Variants in ASGR2 observed in about 807,000 individuals in gnomAD.
The protein encoded by ASGR2 is C-type lectin domain family 4 member H2.
ASGR2 carries 34 observed loss-of-function variants against 32.3 expected under a neutral mutation model. That is an observed-to-expected ratio of 1.05 (90% confidence interval 0.80 to 1.40). The LOEUF is 1.40. Among genes scored for constraint, ASGR2 ranks in the 40% most tolerant of loss-of-function variants. The probability of loss-of-function intolerance (pLI) is 0.00; values close to 1 mark genes in which losing one functional copy is unlikely to be tolerated. For synonymous variants in ASGR2, 143 were observed against 150.0 expected (o/e 0.95, Z 0.34); for missense variants, 385 against 386.4 (o/e 1.00, Z 0.03).
chr17:7,103,856 G>A (rs1019169634), intron 7 of ASGR2, among the ~76,000 whole-genome samples: 4 of 152,100 alleles, frequency 2.6e-5, no homozygotes, highest in African/African-American at 7.2e-5. Flanking sequence ...ATGTATACAT[G>A]TGCCATGTTG....
rs888211498 is a variant in ASGR2 at position 7,107,173 on chromosome 17, A to G, written c.497-22T>C. ...GAGCCTGAGGGGACAGGGGGCAGGG[A>G]GATGAGATCCAGCCGGAGGGGCAGG... is the stretch of plus-strand genomic sequence containing the variant. On this transcript the variant is annotated intron_variant, in intron 6 of 8. Transcript: ENST00000691900. The surrounding 1 kb of genome is among the most constrained non-coding windows in gnomAD (Gnocchi z 5.0). 1.8e-5 allele frequency: 29 copies of G among 1,614,146 alleles called. No homozygotes were observed. The highest frequency in any genetic ancestry group is 2.1e-5 in the Non-Finnish European group (25 of 1,180,010).
At chr17:7,101,961 T>C (rs1367681590) in intron 8 of ASGR2, 129 bp downstream of exon 8, 32 of 1,108,584 alleles carry the variant, frequency 2.9e-5, no homozygotes, top group African/African-American at 4.7e-5. Context: ...TTTGGAGGGG[T>C]TGGAGTCTGG....
rs574922322 is a variant in ASGR2, at chr17:7,107,732, C to T, written c.409+104G>A. 2.4e-4 allele frequency: 208 copies of T among 852,800 alleles called. No homozygotes were observed. Among genetic ancestry groups the T allele is most frequent in the Non-Finnish European group, 3.2e-4 (186 of 580,576 alleles). 52.8% of individuals were successfully genotyped at this position (852,800 alleles called of 1,614,324 possible). A position where few individuals can be genotyped will look rare whatever the true frequency, so the allele number is the denominator to read the frequency against. On this transcript the variant is annotated intron_variant, in intron 5 of 8. Coordinates refer to ENST00000691900, the MANE Select transcript of ASGR2 (RefSeq NM_001201352.2). The surrounding 1 kb of genome is among the most constrained non-coding windows in gnomAD (Gnocchi z 5.0). ...ACATGCTTGCAGGCACACACACGCACGCACGCACACGTGCACACTACACAC... is the reference window on the plus strand; with the variant it reads ...ACATGCTTGCAGGCACACACACGCATGCACGCACACGTGCACACTACACAC...
At position 7,108,424 on chromosome 17, in the gene ASGR2, G is replaced by C. The variant is rs1156467879; in HGVS notation, c.337+38C>G. On this transcript the variant is annotated intron_variant, in intron 4 of 8. Coordinates refer to ENST00000691900, the MANE Select transcript of ASGR2 (RefSeq NM_001201352.2). The surrounding 1 kb of genome is among the most constrained non-coding windows in gnomAD (Gnocchi z 4.9). The stretch of plus-strand genomic sequence containing the variant: ...ACTCGGCACTGAGCCCAGCAAACCT[G>C]TGCGGATAAATGAGAACCCAGCCGT... The C allele has an allele frequency of 1.3e-5, 20 of 1,550,490 alleles. No homozygotes were observed. The highest frequency in any genetic ancestry group is 1.7e-5 in the Non-Finnish European group (19 of 1,144,862).
In ASGR2 at chr17:7,108,721, T is replaced by C. The variant is rs770674561; in HGVS notation, c.241+51A>G. Reference sequence around the variant, plus strand: ...CCCGATCGCTGCCCGCCACTGCCCATGTCTCTTTCCCTACCCCTTGCCCAT... The same window carrying C: ...CCCGATCGCTGCCCGCCACTGCCCACGTCTCTTTCCCTACCCCTTGCCCAT... On this transcript the variant is annotated intron_variant, in intron 3 of 8. Coordinates refer to ENST00000691900, the MANE Select transcript of ASGR2 (RefSeq NM_001201352.2). The surrounding 1 kb of genome is among the most constrained non-coding windows in gnomAD (Gnocchi z 4.9). The C allele has an allele frequency of 1.9e-6, 3 of 1,613,446 alleles. No homozygotes were observed. Among genetic ancestry groups the C allele is most frequent in the East Asian group, 4.5e-5 (2 of 44,826 alleles).
At chr17:7,103,729 C>A (rs60758821) in intron 7 of ASGR2, among the ~76,000 whole-genome samples, 4,011 of 152,168 alleles carry the variant, frequency 0.026, 158 homozygotes, top group African/African-American at 0.085. Context: ...GAAAAATAGA[C>A]TTTGAAAAGA....
In ASGR2 at chr17:7,107,854, G is replaced by A; in HGVS notation, c.391C>T (p.Gln131Ter). 6.2e-7 allele frequency: 1 copy of A among 1,612,192 alleles called. No homozygotes were observed. Among genetic ancestry groups the A allele is most frequent in the Non-Finnish European group, 8.5e-7 (1 of 1,179,874 alleles). ...CTCTGACCTGCTTTCAGGTCCTGCTGCTGTTTCTCCAGCTTGGCTCCTAGG... is the reference window on the plus strand; with the variant it reads ...CTCTGACCTGCTTTCAGGTCCTGCTACTGTTTCTCCAGCTTGGCTCCTAGG... ...TSLGAKLEKQQQDLKADHDAL... is the reference protein window; with the variant it reads ...TSLGAKLEKQ The change falls in exon 5 of 9, where the codon CAG becomes TAG. Residue 131 changes from glutamine (Q) to a stop codon, truncating the protein, a stop_gained. Transcript: ENST00000691900. LOFTEE classifies it high-confidence loss of function. The surrounding 1 kb of genome is among the most constrained non-coding windows in gnomAD (Gnocchi z 5.0).
At chr17:7,109,822 C>CCACA (rs747055562) in intron 2 of ASGR2, among the ~76,000 whole-genome samples, 2 of 151,752 alleles carry the variant, frequency 1.3e-5, no homozygotes, top group Non-Finnish European at 2.9e-5. Context: ...ATACTCCCTC[C>CCACA]CACACACACA....
At position 7,107,973 on chromosome 17, in the gene ASGR2, G is replaced by T; in HGVS notation, c.338-66C>A. 6.4e-7 allele frequency: 1 copy of T among 1,573,594 alleles called. No individual in the cohort carries two copies. On this transcript the variant is annotated intron_variant, in intron 4 of 8. Coordinates refer to ENST00000691900, the MANE Select transcript of ASGR2 (RefSeq NM_001201352.2). This position sits in a 1 kb window ranked among gnomAD's most constrained non-coding sequence, Gnocchi z 5.0. ...TCCGTCCTCATGCTGCTGGGGGACC[G>T]GGGGCCAGCGCCTCGTCCTGGGCGA...
chr17:7,114,408 G>T lies in ASGR2; in HGVS notation c.-70-98C>A, dbSNP rs749382492. The T allele has an allele frequency of 1.1e-4, 158 of 1,433,568 alleles. No homozygotes were observed. The highest frequency in any genetic ancestry group is 1.7e-4 in the Admixed American group (6 of 35,436). The allele number at this position is 1,433,568 out of a possible 1,614,324, so 88.8% of individuals were successfully genotyped here. Reference sequence around the variant, plus strand: ...GTGGCCTGGGTAGGATCTGAGGTTGGCAGGGCGTTTGGGATGAGGTTTGAA... The same window carrying T: ...GTGGCCTGGGTAGGATCTGAGGTTGTCAGGGCGTTTGGGATGAGGTTTGAA... On this transcript the variant is annotated intron_variant, in intron 1 of 8. Coordinates refer to ENST00000691900, the MANE Select transcript of ASGR2 (RefSeq NM_001201352.2). The surrounding 1 kb of genome is among the most constrained non-coding windows in gnomAD (Gnocchi z 4.5).
chr17:7,108,460 A>T lies in ASGR2; in HGVS notation c.337+2T>A. The T allele has an allele frequency of 6.3e-7, 1 of 1,596,380 alleles. No homozygotes were observed. The highest frequency in any genetic ancestry group is 8.5e-7 in the Non-Finnish European group (1 of 1,171,316). ...TGAGAACCCAGCCGTCCAGCCCCTC[A>T]CCGTGGGTGCTGATTGCCTGGACCT... is the stretch of plus-strand genomic sequence containing the variant. On this transcript the variant is annotated splice_donor_variant, in intron 4 of 8. Transcript: ENST00000691900. LOFTEE classifies it high-confidence loss of function. The surrounding 1 kb of genome is among the most constrained non-coding windows in gnomAD (Gnocchi z 4.9).
rs149583614 is a variant in ASGR2 at position 7,101,701 on chromosome 17, G to A, written c.795C>T (p.His265=). 1,995 of 1,614,166 alleles carry A rather than the reference G, an allele frequency of 1.2e-3. 2 individuals carry two copies. The highest frequency in any genetic ancestry group is 1.6e-3 in the Non-Finnish European group (1,868 of 1,180,032). ...AVTQPDNWHG[H]ELGGSEDCVE... is the part of the protein sequence containing the mutation. ...CACAGTCTTCACTTCCACCCAGCTC[G>A]TGCCCGTGCCAATTATCTGGCTGAG... Residue 265 remains histidine, a synonymous_variant, in exon 9 of 9, where the codon CAC becomes CAT. Transcript: ENST00000691900.
rs1414765016 is a variant in ASGR2, at chr17:7,107,297, G to C, written c.430C>G (p.His144Asp). 2 of 1,613,626 alleles carry C rather than the reference G, an allele frequency of 1.2e-6. No homozygotes were observed. Among genetic ancestry groups the C allele is most frequent in the Non-Finnish European group, 1.7e-6 (2 of 1,180,016 alleles). ...AGGTCCACGGGGAAGTGCTTCAGAT[G>C]GAAGAGCAGGGCATCGTGATCTAGG... Reference protein sequence around the residue: ...LKADHDALLFHLKHFPVDLRF... With the variant: ...LKADHDALLFDLKHFPVDLRF... The change falls in exon 6 of 9, where the codon CAT (histidine) becomes GAT (aspartate). Residue 144 changes from histidine (H) to aspartate (D), a missense_variant. Coordinates refer to ENST00000691900, the MANE Select transcript of ASGR2 (RefSeq NM_001201352.2). This position sits in a 1 kb window ranked among gnomAD's most constrained non-coding sequence, Gnocchi z 5.0.
chr17:7,108,978 T>TG lies in ASGR2; in HGVS notation c.125-91dup. The TG allele has an allele frequency of 1.7e-6, 1 of 594,956 alleles. No homozygotes were observed. Among genetic ancestry groups the TG allele is most frequent in the Non-Finnish European group, 2.5e-6 (1 of 401,808 alleles). The allele number at this position is 594,956 out of a possible 1,614,324, so 36.9% of individuals were successfully genotyped here. On this transcript the variant is annotated intron_variant, in intron 2 of 8. Transcript: ENST00000691900. This position sits in a 1 kb window ranked among gnomAD's most constrained non-coding sequence, Gnocchi z 4.9. Reference sequence around the variant, plus strand: ...CACCGAAGCCTGAGGAGGCATAACCTGGGCGGGGGGATTGGTTGGGGCCAT... The same window carrying TG: ...CACCGAAGCCTGAGGAGGCATAACCTGGGGCGGGGGGATTGGTTGGGGCCAT...
chr17:7,110,851 A>C (rs1405283212), intron 2 of ASGR2, among the ~76,000 whole-genome samples: 1 of 152,182 alleles, frequency 6.6e-6, no homozygotes, highest in African/African-American at 2.4e-5. Flanking sequence ...AGGGATAAGA[A>C]GCAAACAACA....
chr17:7,115,137 A>G, upstream of ASGR2: 1 of 454,226 alleles, frequency 2.2e-6, no homozygotes, highest in Non-Finnish European at 2.9e-6. This position sits in a 1 kb window ranked among gnomAD's most constrained non-coding sequence, Gnocchi z 4.2. Flanking sequence ...CATCTGAACC[A>G]CAGACCCCAG....
Position 7,107,630 on chromosome 17 carries a change from CACAT to C in ASGR2, c.409+202_409+205del, listed in dbSNP as rs1259717942. Reference sequence around the variant, plus strand: ...CACACATGCATACACACACAACACACACATATACACCACACTACACACCACACAC... The same window carrying C: ...CACACATGCATACACACACAACACACATACACCACACTACACACCACACAC... On this transcript the variant is annotated intron_variant, in intron 5 of 8. Coordinates refer to ENST00000691900, the MANE Select transcript of ASGR2 (RefSeq NM_001201352.2). The surrounding 1 kb of genome is among the most constrained non-coding windows in gnomAD (Gnocchi z 5.0). 1.4e-6 allele frequency: 1 copy of C among 707,146 alleles called. No individual in the cohort carries two copies. The highest frequency in any genetic ancestry group is 2.4e-6 in the Non-Finnish European group (1 of 413,688). 43.8% of individuals were successfully genotyped at this position (707,146 alleles called of 1,614,324 possible).
In ASGR2 at chr17:7,113,555, A is replaced by T. The variant is rs928397954; in HGVS notation, c.124+562T>A. On this transcript the variant is annotated intron_variant, in intron 2 of 8. Transcript: ENST00000691900. This position sits in a 1 kb window ranked among gnomAD's most constrained non-coding sequence, Gnocchi z 5.1. ...ACACACTCATACACAACATACATAC[A>T]CACAACATACACACAACATACACAC... Among the ~76,000 whole-genome samples, 8 of 123,002 alleles carry T rather than the reference A, an allele frequency of 6.5e-5. No homozygotes were observed. Among genetic ancestry groups the T allele is most frequent in the Non-Finnish European group, 8.9e-5 (5 of 56,046 alleles). 80.7% of individuals were successfully genotyped at this position (123,002 alleles called of 152,430 possible).
At chr17:7,109,183 T>C (rs1287550562) in intron 2 of ASGR2, among the ~76,000 whole-genome samples, 2 of 146,178 alleles carry the variant, frequency 1.4e-5, no homozygotes, top group Non-Finnish European at 3.0e-5. Flanking sequence ...ATCCTGGAGC[T>C]GGGGGACTGG....
Sources: allele counts gnomAD v4.1 joint callset (sites outside exome capture counted in the v4.1 genomes callset), GRCh38; gene constraint gnomAD v4.1.1; non-coding constraint Gnocchi (gnomAD v3.1); transcripts MANE v1.5; gene names NCBI Gene and HGNC (gene_info 2026-07-23, HGNC 2026-07-21).